STX18: variants seen among roughly 807,000 people sequenced by gnomAD.
STX18 encodes syntaxin 18.
STX18 carries 40 observed loss-of-function variants against 50.1 expected under a neutral mutation model. That is an observed-to-expected ratio of 0.80 (90% confidence interval 0.62 to 1.04). The LOEUF (loss-of-function observed/expected upper bound fraction) is 1.04. STX18 is among the 50% of genes least tolerant of loss of function. The pLI, the probability that STX18 is intolerant of heterozygous loss-of-function variation, is 0.00. For synonymous variants in STX18, 158 were observed against 151.8 expected, an observed-to-expected ratio of 1.04 and a Z score of -0.30; for missense variants, 410 against 415.8, an observed-to-expected ratio of 0.99 and a Z score of 0.12.
intron 1 of STX18, among the ~76,000 whole-genome samples, chr4:4,527,805 TTTTTATATATATATAA>T: frequency 6.8e-6 from 1 of 146,820 alleles, no homozygotes; most frequent in African/African-American, 2.5e-5. Context: ...TATATATATG[TTTTTATATATATATAA>T]TTTTATATAT....
intron 1 of STX18, among the ~76,000 whole-genome samples, chr4:4,485,102 A>C (rs1728644528): frequency 6.6e-6 from 1 of 152,258 alleles, no homozygotes; most frequent in Non-Finnish European, 1.5e-5. Context: ...CAGGTAAAAC[A>C]GACCTGGGTT....
chr4:4,447,634 A>AAAT (rs1726496942), intron 5 of STX18, among the ~76,000 whole-genome samples: 1 of 107,178 alleles, frequency 9.3e-6, no homozygotes, highest in Non-Finnish European at 2.0e-5. Context: ...AAAAAAAAAA[A>AAAT]TGGGGCTCTG....
At chr4:4,525,130 AT>A (rs2108911972) in intron 1 of STX18, among the ~76,000 whole-genome samples, 1 of 152,332 alleles carries the variant, frequency 6.6e-6, no homozygotes, top group East Asian at 1.9e-4. Context: ...AGAAAAAGAA[AT>A]TTTAAAAGTA....
At chr4:4,531,288 G>A (rs1194270602) in intron 1 of STX18, among the ~76,000 whole-genome samples, 1 of 152,094 alleles carries the variant, frequency 6.6e-6, no homozygotes, top group Admixed American at 6.5e-5. Context: ...TAATTGCTGT[G>A]TTGACAACAC....
At chr4:4,526,364 C>T (rs1328742710) in intron 1 of STX18, among the ~76,000 whole-genome samples, 1 of 152,170 alleles carries the variant, frequency 6.6e-6, no homozygotes, top group Non-Finnish European at 1.5e-5. Context: ...GGGAGTGGAA[C>T]ACAGTGTCTA....
At chr4:4,537,158 A>G (rs16835849) in intron 1 of STX18, among the ~76,000 whole-genome samples, 6,334 of 152,252 alleles carry the variant, frequency 0.042, 401 homozygotes, top group African/African-American at 0.14. Flanking sequence ...CAGTAAGAGA[A>G]TAGAAGAGCT....
chr4:4,500,380 T>C (rs1199517096), intron 1 of STX18, among the ~76,000 whole-genome samples: 1 of 152,236 alleles, frequency 6.6e-6, no homozygotes, highest in Non-Finnish European at 1.5e-5. Context: ...ATGTGCAGAT[T>C]TTTTTCTTGT....
intron 1 of STX18, among the ~76,000 whole-genome samples, chr4:4,538,543 T>C (rs1428764241): frequency 6.9e-6 from 1 of 143,996 alleles, no homozygotes; most frequent in Non-Finnish European, 1.5e-5. Flanking sequence ...AAAGAAAATA[T>C]GTCTAAATGG....
chr4:4,498,043 T>A (rs9683656), intron 1 of STX18, among the ~76,000 whole-genome samples: 81,933 of 152,016 alleles, frequency 0.54, 24,452 homozygotes, highest in African/African-American at 0.82. Flanking sequence ...GTGTTTTCCT[T>A]CGTACTAAAA....
chr4:4,500,986 G>A (rs1323483094), intron 1 of STX18, among the ~76,000 whole-genome samples: 4 of 152,132 alleles, frequency 2.6e-5, no homozygotes, highest in Admixed American at 6.5e-5. Flanking sequence ...GCAGTGAGCC[G>A]AGATGGCGCC....
chr4:4,535,843 C>T (rs1438396144), intron 1 of STX18, among the ~76,000 whole-genome samples: 1 of 152,148 alleles, frequency 6.6e-6, no homozygotes, highest in Non-Finnish European at 1.5e-5. Flanking sequence ...TTGAATCATG[C>T]TCCCTCAACT....
intron 1 of STX18, among the ~76,000 whole-genome samples, chr4:4,539,057 T>C (rs1731464961): frequency 6.6e-6 from 1 of 152,140 alleles, no homozygotes; most frequent in African/African-American, 2.4e-5. Context: ...TGTTGGAAGG[T>C]AGGGACTGCA....
At chr4:4,531,873 A>AT (rs1731112066) in intron 1 of STX18, among the ~76,000 whole-genome samples, 4 of 152,220 alleles carry the variant, frequency 2.6e-5, no homozygotes, top group Admixed American at 2.0e-4. Context: ...AACAAACTAC[A>AT]TTTTTTGTCT....
chr4:4,451,319 G>A (rs1162646687), intron 5 of STX18, among the ~76,000 whole-genome samples: 2 of 152,226 alleles, frequency 1.3e-5, no homozygotes, highest in Non-Finnish European at 2.9e-5. Context: ...AAGAAAATAT[G>A]TGGGAAGTTT....
chr4:4,542,081 G>A, upstream of STX18: 1 of 1,245,412 alleles, frequency 8.0e-7, no homozygotes, highest in Non-Finnish European at 1.1e-6. Flanking sequence ...CCCGGCAACG[G>A]CGACGCGAGA....
intron 9 of STX18, among the ~76,000 whole-genome samples, chr4:4,422,679 C>T (rs985632016): frequency 6.6e-5 from 10 of 152,286 alleles, no homozygotes; most frequent in Middle Eastern, 3.4e-3. Flanking sequence ...CCCCTGGAGC[C>T]GCTGGGAGGT....
intron 1 of STX18, among the ~76,000 whole-genome samples, chr4:4,506,794 G>C (rs1254833058): frequency 6.6e-6 from 1 of 152,216 alleles, no homozygotes; most frequent in Non-Finnish European, 1.5e-5. Flanking sequence ...CACAAGTTAT[G>C]TGAATGTGGT....
chr4:4,529,129 T>A (rs1438142961), intron 1 of STX18, among the ~76,000 whole-genome samples: 4 of 152,122 alleles, frequency 2.6e-5, no homozygotes, highest in African/African-American at 9.7e-5. Flanking sequence ...TTTCGGAGGC[T>A]GAGACGGGCG....
chr4:4,505,392 C>T (rs1174485660), intron 1 of STX18, among the ~76,000 whole-genome samples: 1 of 152,190 alleles, frequency 6.6e-6, no homozygotes, highest in Admixed American at 6.5e-5. Flanking sequence ...TGTTTACCCT[C>T]ATAATTGCAT....
Sources: gnomAD v4.1 joint callset for allele counts (sites outside exome capture counted in the v4.1 genomes callset) on GRCh38, gnomAD v4.1.1 for gene constraint, MANE v1.5 for transcripts, NCBI Gene and HGNC (gene_info 2026-07-23, HGNC 2026-07-21) for gene names.